Variants in TBC1D31 observed in about 807,000 individuals in gnomAD.
TBC1D31 encodes the protein TBC1 domain family member 31, also known as WD repeat domain 67.
In TBC1D31, 99 loss-of-function variants were observed where a neutral mutation model predicts 132.9. The observed-to-expected ratio is 0.74, with a 90% CI of 0.63 to 0.88. TBC1D31 has a LOEUF of 0.88. Ranked by LOEUF, TBC1D31 falls within the 40% of genes least tolerant of loss-of-function variation. The pLI is 0.00. For missense variants in TBC1D31, 1,134 were observed against 1,256.6 expected (o/e 0.90, Z 1.48); for synonymous variants, 385 against 419.4 (o/e 0.92, Z 1.00).
chr8:123,117,526 G>A (rs980769891), intron 10 of TBC1D31, among the ~76,000 whole-genome samples: 22 of 151,610 alleles, frequency 1.5e-4, no homozygotes, highest in African/African-American at 4.8e-4. Flanking sequence ...AGGCCGAGAC[G>A]GGCGGATGAC....
chr8:123,130,986 A>G (rs573280569), intron 16 of TBC1D31, among the ~76,000 whole-genome samples: 71 of 152,262 alleles, frequency 4.7e-4, no homozygotes, highest in South Asian at 1.2e-3. Flanking sequence ...CAGTATAAAA[A>G]TAATTTCCAG....
chr8:123,075,916 T>A (rs192676625), intron 1 of TBC1D31, among the ~76,000 whole-genome samples: 15 of 152,254 alleles, frequency 9.9e-5, no homozygotes, highest in Non-Finnish European at 1.5e-4. Flanking sequence ...AATCCTTCTC[T>A]CAAAAAGGGT....
chr8:123,140,685 C>A, intron 17 of TBC1D31, 76 bp from the exon 18 acceptor site: 249 of 1,100,850 alleles, frequency 2.3e-4, no homozygotes, highest in Middle Eastern at 1.0e-3. Flanking sequence ...GTGCATATTA[C>A]TATTCTGAAA....
intron 20 of TBC1D31, among the ~76,000 whole-genome samples, chr8:123,145,958 C>T (rs1435956259): frequency 1.3e-5 from 2 of 151,204 alleles, no homozygotes. Flanking sequence ...GCAACCTCCA[C>T]CACCCAGGTT....
chr8:123,084,099 A>G (rs886285084), intron 3 of TBC1D31, 63 bp from the exon 4 acceptor site: 2 of 1,390,094 alleles, frequency 1.4e-6, no homozygotes, highest in Non-Finnish European at 1.0e-6. Context: ...TGGTGTTTAT[A>G]TGTAATGTTA....
intron 19 of TBC1D31, 91 bp downstream of exon 19, chr8:123,142,547 G>A (rs552628613): frequency 9.6e-5 from 107 of 1,111,328 alleles, no homozygotes; most frequent in Non-Finnish European, 1.2e-4. Flanking sequence ...GTACAGCCTC[G>A]AAATTCAAAC....
chr8:123,146,505 C>A (rs989868807), intron 20 of TBC1D31, among the ~76,000 whole-genome samples: 1 of 151,768 alleles, frequency 6.6e-6, no homozygotes, highest in African/African-American at 2.4e-5. Flanking sequence ...TACTTCATTC[C>A]TTTTTATTGC....
At chr8:123,116,976 G>T (rs984215027) in intron 10 of TBC1D31, among the ~76,000 whole-genome samples, 1 of 152,184 alleles carries the variant, frequency 6.6e-6, no homozygotes, top group Non-Finnish European at 1.5e-5. Context: ...GGTGATAATT[G>T]TTGGAGGCAA....
Position 123,126,059 on chromosome 8 carries a change from AT to A in TBC1D31, c.1576del (p.Trp526GlyfsTer19). 2 of 1,587,010 alleles carry A rather than the reference AT, an allele frequency of 1.3e-6. No individual in the cohort carries two copies. On this transcript the variant is annotated frameshift_variant, in exon 12 of 22. Coordinates refer to ENST00000287380, the MANE Select transcript of TBC1D31 (RefSeq NM_145647.4). LOFTEE classifies it high-confidence loss of function. ...CFEVIATLII[N>X]WCQHWFEYFP... ...TTTTCTTTTTTTTCCTTCATAGTCA[AT>A]TGGTGTCAACACTGGTTTGAATATT...
At chr8:123,116,037 TGAAAG>T (rs1329141488) in intron 10 of TBC1D31, among the ~76,000 whole-genome samples, 1 of 152,088 alleles carries the variant, frequency 6.6e-6, no homozygotes, top group Non-Finnish European at 1.5e-5. Flanking sequence ...TAAACAGTAA[TGAAAG>T]GGAATTAGCC....
intron 4 of TBC1D31, among the ~76,000 whole-genome samples, chr8:123,087,755 A>C (rs1815912052): frequency 6.7e-6 from 1 of 150,096 alleles, no homozygotes; most frequent in South Asian, 2.1e-4. Context: ...TTTTAGTTTA[A>C]AAATTAGGAC....
chr8:123,094,346 G>A (rs549296769), intron 5 of TBC1D31, among the ~76,000 whole-genome samples: 11 of 152,100 alleles, frequency 7.2e-5, no homozygotes, highest in Admixed American at 5.2e-4. Context: ...ACAGGCATGA[G>A]CCACCGTGCC....
chr8:123,142,277 T>A lies in TBC1D31; in HGVS notation c.2656T>A (p.Leu886Met). ...TTTTTCCTAGGTGATTAAAGAAAAT[T>A]TGGCAAAGGCTGAACAAGCATGCCT... ...QKTQKVIKENLAKAEQACLNT... is the reference protein window; with the variant it reads ...QKTQKVIKENMAKAEQACLNT... The change falls in exon 19 of 22, where the codon TTG (leucine) becomes ATG (methionine). Residue 886 changes from leucine to methionine, a missense_variant. Coordinates refer to ENST00000287380, the MANE Select transcript of TBC1D31 (RefSeq NM_145647.4). 1 of 1,568,394 alleles carries A rather than the reference T, an allele frequency of 6.4e-7. No homozygotes were observed. Among genetic ancestry groups the A allele is most frequent in the Non-Finnish European group, 8.6e-7 (1 of 1,162,824 alleles).
chr8:123,129,207 A>G lies in TBC1D31; in HGVS notation c.2259A>G (p.Gln753=). The G allele has an allele frequency of 6.3e-7, 1 of 1,590,538 alleles. No homozygotes were observed. ...MLLQEEEKMI[Q]QRQRLAAVKR... is the part of the protein sequence containing the mutation. The stretch of plus-strand genomic sequence containing the variant: ...TACAAGAGGAGGAGAAAATGATACA[A>G]CAAAGACAGAGGTATGTGTTATCAC... The change falls in exon 15 of 22, where the codon CAA becomes CAG. Residue 753 remains glutamine, a synonymous_variant. Coordinates refer to ENST00000287380, the MANE Select transcript of TBC1D31 (RefSeq NM_145647.4).
chr8:123,127,054 A>G (rs1050550044), intron 13 of TBC1D31, among the ~76,000 whole-genome samples: 3 of 151,940 alleles, frequency 2.0e-5, no homozygotes, highest in Non-Finnish European at 2.9e-5. Context: ...AGTTATTTCA[A>G]TTGAAAAATC....
At chr8:123,142,998 G>C (rs1821852009) in intron 19 of TBC1D31, among the ~76,000 whole-genome samples, 1 of 152,164 alleles carries the variant, frequency 6.6e-6, no homozygotes, top group Admixed American at 6.5e-5. Flanking sequence ...GGGAGTCTAG[G>C]GTTAGTATTG....
intron 10 of TBC1D31, among the ~76,000 whole-genome samples, chr8:123,118,926 C>G (rs1455786806): frequency 6.6e-6 from 1 of 152,174 alleles, no homozygotes; most frequent in East Asian, 1.9e-4. Flanking sequence ...AGGTCTCGCT[C>G]TGTTGTCCAG....
At chr8:123,126,319 CA>C in intron 12 of TBC1D31, 130 bp downstream of exon 12, 1 of 1,284,146 alleles carries the variant, frequency 7.8e-7, no homozygotes, top group Non-Finnish European at 1.1e-6. Flanking sequence ...AACAGTATTC[CA>C]TTCTTTTTCT....
chr8:123,091,078 C>A lies in TBC1D31; in HGVS notation c.520-2513C>A, dbSNP rs528203846. Among the ~76,000 whole-genome samples the A allele has an allele frequency of 3.9e-5, 6 of 152,208 alleles. No individual in the cohort carries two copies. In the South Asian group the frequency reaches 1.2e-3, roughly 32 times the overall value. On this transcript the variant is annotated intron_variant, in intron 4 of 21. Transcript: ENST00000287380. ...CTACAAGGAAAAACTACAGCTCCGT[C>A]CTTGAACCTAACCCCCCAAAAAGTA...
Sources: gnomAD v4.1 joint callset for allele counts (sites outside exome capture counted in the v4.1 genomes callset) on GRCh38, gnomAD v4.1.1 for gene constraint, MANE v1.5 for transcripts, NCBI Gene and HGNC (gene_info 2026-07-23, HGNC 2026-07-21) for gene names.